The following UGT2A2 variants were observed in gnomAD, a reference collection of about 807,000 sequenced individuals.
UGT2A2 encodes UDP-glucuronosyltransferase 2A2.
In UGT2A2, 60 loss-of-function variants were observed where a neutral mutation model predicts 50.7. That is an observed-to-expected ratio of 1.18 (90% CI 0.96 to 1.47). The LOEUF is 1.47. Ranked by LOEUF, UGT2A2 falls within the 40% of genes most tolerant of loss-of-function variation. The pLI is 0.00. For missense variants in UGT2A2, 762 were observed against 634.0 expected (o/e 1.20, Z -2.17); for synonymous variants, 242 against 214.6 (o/e 1.13, Z -1.11).
intron 1 of UGT2A2, 103 bp from the exon 2 acceptor site, chr4:69,599,497 C>T (rs1232730524): frequency 6.6e-7 from 1 of 1,511,860 alleles, no homozygotes; most frequent in Admixed American, 2.2e-5. Flanking sequence ...TAAGAAAAAA[C>T]TGAATTAGGT....
intron 1 of UGT2A2, among the ~76,000 whole-genome samples, chr4:69,611,498 T>C (rs1488553550): frequency 6.6e-6 from 1 of 151,954 alleles, no homozygotes; most frequent in East Asian, 1.9e-4. Context: ...TCATAATATA[T>C]TATGAAATAC....
At position 69,639,252 on chromosome 4, in the gene UGT2A2, A is replaced by G. The variant is rs775399375; in HGVS notation, c.389T>C (p.Ile130Thr). Residue 130 changes from isoleucine (I) to threonine (T), a missense_variant, in exon 1 of 6, where the codon ATT (isoleucine) becomes ACT (threonine). Physicochemically the swap from Ile to Thr is moderately conservative, Grantham distance 89. Coordinates refer to ENST00000604629, the MANE Select transcript of UGT2A2 (RefSeq NM_001105677.2). ...TACACCATCACAGAGTTGTATGTTA[A>G]TTTGAAAGAAAGTGTCTAGAAGTTT... ...LGKLLDTFFQ[I>T]NIQLCDGVLK... The G allele has an allele frequency of 1.2e-5, 20 of 1,613,562 alleles. No homozygotes were observed. Among genetic ancestry groups the G allele is most frequent in the Non-Finnish European group, 1.7e-5 (20 of 1,179,736 alleles).
chr4:69,607,478 C>G (rs1326544178), intron 1 of UGT2A2, among the ~76,000 whole-genome samples: 1 of 151,934 alleles, frequency 6.6e-6, no homozygotes, highest in South Asian at 2.1e-4. Flanking sequence ...AGAAGAAAAC[C>G]TAGGCAATAC....
intron 1 of UGT2A2, among the ~76,000 whole-genome samples, chr4:69,631,603 C>T (rs1721390082): frequency 6.6e-6 from 1 of 152,090 alleles, no homozygotes; most frequent in Non-Finnish European, 1.5e-5. Context: ...GAAGCCATAA[C>T]TTCAATGTAG....
At chr4:69,615,036 T>G (rs534270340) in intron 1 of UGT2A2, among the ~76,000 whole-genome samples, 2 of 152,008 alleles carry the variant, frequency 1.3e-5, no homozygotes, top group South Asian at 4.1e-4. Context: ...GAACTCACTA[T>G]CACAAGAAGA....
chr4:69,604,617 C>G (rs965755081), intron 1 of UGT2A2, among the ~76,000 whole-genome samples: 1 of 136,804 alleles, frequency 7.3e-6, no homozygotes, highest in Non-Finnish European at 1.6e-5. Context: ...TTAAAAGACA[C>G]AGACTGGCAA....
rs184114718 is a variant in UGT2A2, at chr4:69,604,507, A to C, written c.743-5113T>G. ...ACCATCGAGGCTAGGAAGAAACTGC[A>C]TCAACTAATGAGCAAAATAACTAGC... On this transcript the variant is annotated intron_variant, in intron 1 of 5. Transcript: ENST00000604629. Among the ~76,000 whole-genome samples, 793 of 136,942 alleles carry C rather than the reference A, an allele frequency of 5.8e-3. 182 individuals are homozygous for C. Among genetic ancestry groups the C allele is most frequent in the African/African-American group, 0.022 (730 of 33,894 alleles). 89.8% of individuals were successfully genotyped at this position (136,942 alleles called of 152,430 possible).
intron 1 of UGT2A2, among the ~76,000 whole-genome samples, chr4:69,610,174 T>C (rs1338117192): frequency 6.6e-6 from 1 of 152,136 alleles, no homozygotes; most frequent in Non-Finnish European, 1.5e-5. Context: ...TTAAAAGATA[T>C]ATAAAATATT....
chr4:69,607,014 A>G lies in UGT2A2; in HGVS notation c.743-7620T>C, dbSNP rs1241513158. 3.7e-5 allele frequency among the ~76,000 whole-genome samples: 5 copies of G among 136,300 alleles called. 2 individuals carry two copies. The East Asian group carries it at 1.0e-3, about 28-fold the overall frequency. 89.4% of individuals were successfully genotyped at this position (136,300 alleles called of 152,430 possible). A position where few individuals can be genotyped will look rare whatever the true frequency, so the allele number is the denominator to read the frequency against. On this transcript the variant is annotated intron_variant, in intron 1 of 5. Transcript: ENST00000604629. ...CTGCCCAAGGTCATTTATAGATTCA[A>G]TGCCATCCCCATCAAACTACCAATG...
chr4:69,608,382 G>A (rs1306185184), intron 1 of UGT2A2, among the ~76,000 whole-genome samples: 1 of 143,386 alleles, frequency 7.0e-6, no homozygotes, highest in Non-Finnish European at 1.5e-5. Flanking sequence ...AGAACATATG[G>A]ACACAGGAAG....
In UGT2A2 at chr4:69,601,901, A is replaced by G. The variant is rs996703485; in HGVS notation, c.743-2507T>C. On this transcript the variant is annotated intron_variant, in intron 1 of 5. Transcript: ENST00000604629. ...CCCTCAGAGACTCTTACTCTTGGGC[A>G]AAGGAGGGCTGTACCACAACCATGC... 2.1e-4 allele frequency among the ~76,000 whole-genome samples: 29 copies of G among 136,944 alleles called. 7 individuals carry two copies. Among genetic ancestry groups the G allele is most frequent in the South Asian group, 7.3e-4 (3 of 4,132 alleles). The allele number at this position is 136,944 out of a possible 152,430, so 89.8% of individuals were successfully genotyped here.
rs1256735348 is a variant in UGT2A2, at chr4:69,611,863, T to G, written c.743-12469A>C. 2.6e-5 allele frequency among the ~76,000 whole-genome samples: 4 copies of G among 152,242 alleles called. No homozygotes were observed. In the South Asian group the frequency reaches 8.3e-4, roughly 32 times the overall value. On this transcript the variant is annotated intron_variant, in intron 1 of 5. Coordinates refer to ENST00000604629, the MANE Select transcript of UGT2A2 (RefSeq NM_001105677.2). ...GAAAGCCTAATGGATTGCCCTAGTTTCCCTCATTACACATACGCATTCACA... is the reference window on the plus strand; with the variant it reads ...GAAAGCCTAATGGATTGCCCTAGTTGCCCTCATTACACATACGCATTCACA...
intron 5 of UGT2A2, among the ~76,000 whole-genome samples, chr4:69,590,688 G>T (rs1240781058): frequency 1.3e-5 from 2 of 151,728 alleles, no homozygotes; most frequent in Non-Finnish European, 2.9e-5. Context: ...TAGTGAAAAA[G>T]AATATAAGTA....
At chr4:69,616,495 C>T (rs938103779) in intron 1 of UGT2A2, among the ~76,000 whole-genome samples, 1 of 151,670 alleles carries the variant, frequency 6.6e-6, no homozygotes, top group Non-Finnish European at 1.5e-5. Flanking sequence ...TCCTGTAAAT[C>T]GATACAACTA....
chr4:69,633,375 T>A (rs1235758600), intron 1 of UGT2A2, among the ~76,000 whole-genome samples: 2 of 152,196 alleles, frequency 1.3e-5, no homozygotes, highest in Admixed American at 1.3e-4. Context: ...CTAGTAGGTT[T>A]ACTAGTTTGC....
At position 69,589,594 on chromosome 4, in the gene UGT2A2, G is replaced by A. The variant is rs756512694; in HGVS notation, c.1389C>T (p.Pro463=). 5.0e-6 allele frequency: 8 copies of A among 1,613,838 alleles called. No individual in the cohort carries two copies. The highest frequency in any genetic ancestry group is 6.8e-6 in the Non-Finnish European group (8 of 1,179,866). Residue 463 remains proline (P), a synonymous_variant, in exon 6 of 6, where the codon CCC becomes CCT. Transcript: ENST00000604629. Reference sequence around the variant, plus strand: ...CGATCCAGAAGACTGCTCGATCCAGGGGCTTTACAGGTTGATCATGGTGAA... The same window carrying A: ...CGATCCAGAAGACTGCTCGATCCAGAGGCTTTACAGGTTGATCATGGTGAA... ...SRIHHDQPVK[P]LDRAVFWIEF...
At chr4:69,609,559 G>A (rs1222562804) in intron 1 of UGT2A2, among the ~76,000 whole-genome samples, 2 of 151,880 alleles carry the variant, frequency 1.3e-5, no homozygotes, top group African/African-American at 2.4e-5. Flanking sequence ...ATAAAAGTCA[G>A]TAAATGAATT....
At chr4:69,621,612 A>T (rs1300792522) in intron 1 of UGT2A2, among the ~76,000 whole-genome samples, 1 of 151,950 alleles carries the variant, frequency 6.6e-6, no homozygotes, top group Non-Finnish European at 1.5e-5. Context: ...AAAGCCTTAA[A>T]AACAGAACTA....
intron 1 of UGT2A2, among the ~76,000 whole-genome samples, chr4:69,621,078 G>C (rs565660529): frequency 2.0e-5 from 3 of 151,808 alleles, no homozygotes; most frequent in African/African-American, 7.3e-5. Flanking sequence ...TACTATCCTG[G>C]ACATAGAAAA....
Sources: gnomAD v4.1 joint callset for allele counts (sites outside exome capture counted in the v4.1 genomes callset) on GRCh38, gnomAD v4.1.1 for gene constraint, MANE v1.5 for transcripts, NCBI Gene and HGNC (gene_info 2026-07-23, HGNC 2026-07-21) for gene names.